The following PIAS2 variants were observed in gnomAD, a reference collection of about 807,000 sequenced individuals.
PIAS2 encodes E3 SUMO-protein ligase PIAS2.
A neutral mutation model predicts 69.7 loss-of-function variants in PIAS2; 19 were observed. The ratio of observed to expected loss-of-function variants is 0.27; its 90% CI spans 0.19 to 0.40. PIAS2 has a LOEUF of 0.40. Ranked by LOEUF, PIAS2 falls within the 10% of genes least tolerant of loss-of-function variation. The pLI, the probability that PIAS2 is intolerant of heterozygous loss-of-function variation, is 1.00. For missense variants in PIAS2, 624 were observed against 757.0 expected, an observed-to-expected ratio of 0.82 and a Z score of 2.06; for synonymous variants, 261 against 263.2, an observed-to-expected ratio of 0.99 and a Z score of 0.08.
chr18:46,820,640 T>C (rs2042065063), intron 12 of PIAS2, among the ~76,000 whole-genome samples: 1 of 151,890 alleles, frequency 6.6e-6, no homozygotes, highest in South Asian at 2.1e-4. Flanking sequence ...TGAGGTTCTA[T>C]AATAAAGAAA....
At chr18:46,818,572 C>A in intron 12 of PIAS2, 3 of 827,300 alleles carry the variant, frequency 3.6e-6, no homozygotes, top group Admixed American at 4.3e-5. Flanking sequence ...TTAAGTTTAT[C>A]AATACCAAAA....
chr18:46,856,084 C>T (rs564188822), intron 3 of PIAS2, among the ~76,000 whole-genome samples: 2 of 135,254 alleles, frequency 1.5e-5, no homozygotes, highest in Non-Finnish European at 3.0e-5. Flanking sequence ...TGGCTCACTG[C>T]AAGCTCCGCC....
intron 1 of PIAS2, chr18:46,906,362 T>C (rs2056595794): frequency 6.6e-6 from 1 of 150,598 alleles, no homozygotes; most frequent in Non-Finnish European, 1.5e-5. Flanking sequence ...AAAAAAAGCA[T>C]AAGAATTGGA....
At chr18:46,830,653 T>C (rs375720561) in intron 9 of PIAS2, among the ~76,000 whole-genome samples, 1 of 151,072 alleles carries the variant, frequency 6.6e-6, no homozygotes, top group East Asian at 1.9e-4. Context: ...AACAGAAAAA[T>C]CAGTTTCTAG....
In PIAS2 at chr18:46,818,386, C is replaced by T. The variant is rs1226259851; in HGVS notation, c.1648+2547G>A. The T allele has an allele frequency of 1.9e-6, 3 of 1,577,302 alleles. No homozygotes were observed. The South Asian group carries it at 3.6e-5, about 19-fold the overall frequency. ...TTGTTTTATTTTGTATTCACTGTTG[C>T]ACAGTATCAGAAGATGTTCCAAGCT... On this transcript the variant is annotated intron_variant, in intron 12 of 13. Transcript: ENST00000585916.
intron 1 of PIAS2, among the ~76,000 whole-genome samples, chr18:46,900,513 A>C (rs1411168563): frequency 1.3e-5 from 2 of 151,818 alleles, no homozygotes; most frequent in East Asian, 3.9e-4. Flanking sequence ...ACCAAAAAAA[A>C]AAAATTGTTT....
intron 1 of PIAS2, 156 bp from the exon 2 acceptor site, chr18:46,891,210 A>G (rs1454713837): frequency 2.9e-6 from 2 of 694,552 alleles, no homozygotes; most frequent in African/African-American, 1.8e-5. Flanking sequence ...ATTACCATTC[A>G]TAAGACAATC....
At chr18:46,885,736 C>T (rs977427465) in intron 2 of PIAS2, among the ~76,000 whole-genome samples, 8 of 151,330 alleles carry the variant, frequency 5.3e-5, no homozygotes, top group African/African-American at 1.9e-4. Context: ...GTTTTTAGTT[C>T]AAGGGTAGAA....
At chr18:46,862,314 G>A (rs2145576020) in intron 3 of PIAS2, among the ~76,000 whole-genome samples, 1 of 152,134 alleles carries the variant, frequency 6.6e-6, no homozygotes, top group South Asian at 2.1e-4. Flanking sequence ...CAGCCTGGAT[G>A]ACAGAGCGAG....
chr18:46,862,107 G>A (rs1251742890), intron 3 of PIAS2, among the ~76,000 whole-genome samples: 1 of 152,182 alleles, frequency 6.6e-6, no homozygotes, highest in East Asian at 1.9e-4. Context: ...CGAACAGGTG[G>A]ATCACTTGAG....
rs79305863 is a variant in PIAS2 at position 46,911,119 on chromosome 18, G to A, written c.24+6203C>T. On this transcript the variant is annotated intron_variant, in intron 1 of 13. Coordinates refer to ENST00000585916, the MANE Select transcript of PIAS2 (RefSeq NM_004671.5). The stretch of plus-strand genomic sequence containing the variant: ...GACTCCGGAAAGTCTACCAAGACAA[G>A]CTGAATGGCTACAACATGAGAACCC... 5.6e-4 allele frequency among the ~76,000 whole-genome samples: 85 copies of A among 152,120 alleles called. 2 individuals carry two copies. In the East Asian group the frequency reaches 0.015, roughly 26 times the overall value.
intron 5 of PIAS2, among the ~76,000 whole-genome samples, chr18:46,849,503 G>A (rs1008861090): frequency 2.6e-5 from 4 of 152,134 alleles, no homozygotes; most frequent in African/African-American, 9.6e-5. Flanking sequence ...GCAAATATGC[G>A]AGCTTTCTAA....
chr18:46,813,748 T>C (rs2041220750), intron 13 of PIAS2, among the ~76,000 whole-genome samples: 1 of 152,120 alleles, frequency 6.6e-6, no homozygotes, highest in African/African-American at 2.4e-5. Context: ...CAAGTAAAAT[T>C]CAGACTGCTC....
rs1231592818 is a variant in PIAS2, at chr18:46,807,356, TA to T, written c.*5076del. On this transcript the variant is annotated 3_prime_UTR_variant, in exon 14 of 14. Coordinates refer to ENST00000585916, the MANE Select transcript of PIAS2 (RefSeq NM_004671.5). ...GGTGTTTCTGAAACATGTCAGATTTTATATATATATATATATATATATATAT... is the reference window on the plus strand; with the variant it reads ...GGTGTTTCTGAAACATGTCAGATTTTTATATATATATATATATATATATAT... 4.2e-5 allele frequency: 1 copy of T among 23,652 alleles called. No individual in the cohort carries two copies. Among genetic ancestry groups the T allele is most frequent in the Non-Finnish European group, 7.3e-5 (1 of 13,734 alleles). The allele number at this position is 23,652 out of a possible 1,614,324, so 1.5% of individuals were successfully genotyped here. A position where few individuals can be genotyped will look rare whatever the true frequency, so the allele number is the denominator to read the frequency against.
intron 2 of PIAS2, among the ~76,000 whole-genome samples, chr18:46,878,143 T>C (rs1009346458): frequency 1.2e-4 from 19 of 152,222 alleles, no homozygotes; most frequent in African/African-American, 4.6e-4. Context: ...TTAGCCCTAC[T>C]GGTTACTATC....
At chr18:46,845,006 C>T in intron 6 of PIAS2, 167 bp from the exon 7 acceptor site, 2 of 387,852 alleles carry the variant, frequency 5.2e-6, no homozygotes, top group Non-Finnish European at 9.1e-6. Context: ...AGCTACTTCA[C>T]TGAAAATAAA....
intron 1 of PIAS2, among the ~76,000 whole-genome samples, chr18:46,899,339 C>T (rs184443232): frequency 8.5e-4 from 129 of 152,202 alleles, no homozygotes; most frequent in Non-Finnish European, 1.7e-3. Context: ...TCTATGGATA[C>T]CTGAGGAAAA....
chr18:46,889,580 A>T (rs557605057), intron 2 of PIAS2, among the ~76,000 whole-genome samples: 1 of 152,278 alleles, frequency 6.6e-6, no homozygotes, highest in South Asian at 2.1e-4. Flanking sequence ...GGAAAATAAA[A>T]GTGTTGTTAA....
Position 46,851,326 on chromosome 18 carries a change from C to G in PIAS2, c.726+4019G>C, listed in dbSNP as rs73957803. On this transcript the variant is annotated intron_variant, in intron 5 of 13. Transcript: ENST00000585916. ...CTTTGGGATCTTTAAAAGAAATATT[C>G]TTGTCAACCCTTCTTCCTTTCTTCA... is the stretch of plus-strand genomic sequence containing the variant. Among the ~76,000 whole-genome samples, 321 of 152,306 alleles carry G rather than the reference C, an allele frequency of 2.1e-3. 2 individuals are homozygous for G. Among genetic ancestry groups the G allele is most frequent in the African/African-American group, 7.3e-3 (304 of 41,566 alleles).
Sources: gnomAD v4.1 joint callset for allele counts (sites outside exome capture counted in the v4.1 genomes callset) on GRCh38, gnomAD v4.1.1 for gene constraint, MANE v1.5 for transcripts, NCBI Gene and HGNC (gene_info 2026-07-23, HGNC 2026-07-21) for gene names.